Variants in SORL1 observed in about 807,000 individuals in gnomAD.
The protein encoded by SORL1 is sortilin related receptor 1.
In SORL1, 127 loss-of-function variants were observed where a neutral mutation model predicts 273.7. That is an observed-to-expected ratio of 0.46 (90% CI 0.40 to 0.54). SORL1 has a LOEUF of 0.54. SORL1 is among the 20% of genes least tolerant of loss of function. SORL1 has a pLI of 0.00. For synonymous variants in SORL1, 1,031 were observed against 1,067.4 expected, an observed-to-expected ratio of 0.97 and a Z score of 0.66; for missense variants, 2,494 against 2,846.1, an observed-to-expected ratio of 0.88 and a Z score of 2.81.
intron 6 of SORL1, among the ~76,000 whole-genome samples, chr11:121,505,071 C>G (rs1233048067): frequency 6.6e-6 from 1 of 152,132 alleles, no homozygotes; most frequent in South Asian, 2.1e-4. Flanking sequence ...GGTTTATAAT[C>G]ATTTTTATCC....
chr11:121,619,567 A>G (rs539725726), intron 42 of SORL1, among the ~76,000 whole-genome samples, 186 bp from the exon 43 acceptor site: 15 of 152,236 alleles, frequency 9.9e-5, no homozygotes, highest in Admixed American at 6.5e-4. Context: ...AGGAAGCACA[A>G]AAACTCTTAC....
chr11:121,576,631 C>T, intron 24 of SORL1: 1 of 633,806 alleles, frequency 1.6e-6, no homozygotes, highest in Non-Finnish European at 2.6e-6. Flanking sequence ...ATGATCTCCC[C>T]AGGAGCTTTG....
At chr11:121,494,751 G>C (rs576614234) in intron 5 of SORL1, among the ~76,000 whole-genome samples, 45 of 152,144 alleles carry the variant, frequency 3.0e-4, no homozygotes, top group Non-Finnish European at 8.8e-5. Flanking sequence ...CTAGGTGTTG[G>C]CTGCTGCTTT....
intron 40 of SORL1, among the ~76,000 whole-genome samples, chr11:121,613,079 A>G (rs1376799073): frequency 1.3e-5 from 2 of 152,198 alleles, no homozygotes; most frequent in African/African-American, 4.8e-5. Context: ...GTTGGGGGCC[A>G]TAAGGAGGAA....
intron 2 of SORL1, among the ~76,000 whole-genome samples, chr11:121,472,729 G>A (rs1393979876): frequency 6.6e-6 from 1 of 152,214 alleles, no homozygotes; most frequent in Non-Finnish European, 1.5e-5. Context: ...ATAGAGCCGA[G>A]GTGGGCAGAT....
At chr11:121,505,120 G>A (rs1861768271) in intron 6 of SORL1, among the ~76,000 whole-genome samples, 1 of 152,088 alleles carries the variant, frequency 6.6e-6, no homozygotes, top group Admixed American at 6.5e-5. Context: ...TTTGTGGGAA[G>A]TTTTCTGGAT....
At position 121,555,294 on chromosome 11, in the gene SORL1, A is replaced by G; in HGVS notation, c.2547A>G (p.Val849=). ...FEPLSQLLYW[V]DAGFKKIEVA... ...CCCTCAGCCAGCTGCTTTACTGGGTAGATGCAGGCTTCAAAAAGATTGAGG... is the reference window on the plus strand; with the variant it reads ...CCCTCAGCCAGCTGCTTTACTGGGTGGATGCAGGCTTCAAAAAGATTGAGG... The change falls in exon 18 of 48, where the codon GTA becomes GTG. Residue 849 remains valine, a synonymous_variant. Coordinates refer to ENST00000260197, the MANE Select transcript of SORL1 (RefSeq NM_003105.6). 6.2e-7 allele frequency: 1 copy of G among 1,614,012 alleles called. No homozygotes were observed. Among genetic ancestry groups the G allele is most frequent in the Non-Finnish European group, 8.5e-7 (1 of 1,179,870 alleles).
chr11:121,467,334 G>A (rs1248398584), intron 1 of SORL1, among the ~76,000 whole-genome samples: 1 of 152,166 alleles, frequency 6.6e-6, no homozygotes, highest in African/African-American at 2.4e-5. Context: ...GGATTGGTGA[G>A]GAGGTCTCCT....
chr11:121,558,824 T>C lies in SORL1; in HGVS notation c.2897T>C (p.Ile966Thr), dbSNP rs1335354359. The change falls in exon 20 of 48, where the codon ATT (isoleucine) becomes ACT (threonine). Residue 966 changes from isoleucine (I) to threonine (T), a missense_variant. This residue lies in a region of SORL1 where 1,609 missense variants were observed against 1,816.4 expected (regional missense o/e 0.89). Coordinates refer to ENST00000260197, the MANE Select transcript of SORL1 (RefSeq NM_003105.6). ...GACAACCTCCCGCACCCCTATGCCA[T>C]TGCTGTCTTTAAGGTGAGTCCATTT... ...ILDNLPHPYA[I>T]AVFKNEIYWD... The C allele has an allele frequency of 6.2e-7, 1 of 1,614,166 alleles. No homozygotes were observed. Among genetic ancestry groups the C allele is most frequent in the East Asian group, 2.2e-5 (1 of 44,874 alleles).
intron 14 of SORL1, 100 bp from the exon 15 acceptor site, chr11:121,549,858 TAA>T (rs1862482169): frequency 3.1e-6 from 3 of 957,390 alleles, no homozygotes; most frequent in Non-Finnish European, 4.6e-6. Flanking sequence ...AAATAACTTA[TAA>T]TAAAAGTGAA....
Position 121,502,124 on chromosome 11 carries a change from C to CTTT in SORL1, c.939+5102_939+5104dup, listed in dbSNP as rs57842880. ...GTAACTACTGGGTCATGTGACAATT[C>CTTT]TTTTTTTTTTTTTTTTTTTTTTTTT... On this transcript the variant is annotated intron_variant, in intron 6 of 47. Coordinates refer to ENST00000260197, the MANE Select transcript of SORL1 (RefSeq NM_003105.6). 2.7e-3 allele frequency among the ~76,000 whole-genome samples: 178 copies of CTTT among 65,188 alleles called. 43 individuals are homozygous for CTTT. The highest frequency in any genetic ancestry group is 5.4e-3 in the African/African-American group (102 of 18,858). 42.8% of individuals were successfully genotyped at this position (65,188 alleles called of 152,430 possible). A position where few individuals can be genotyped will look rare whatever the true frequency, so the allele number is the denominator to read the frequency against.
chr11:121,540,717 A>G (rs1457405993), intron 12 of SORL1, among the ~76,000 whole-genome samples: 1 of 152,124 alleles, frequency 6.6e-6, no homozygotes, highest in Non-Finnish European at 1.5e-5. Flanking sequence ...TGAGCAGTGT[A>G]TTTTCAGATA....
intron 18 of SORL1, 120 bp from the exon 19 acceptor site, chr11:121,557,194 G>A: frequency 1.3e-6 from 1 of 774,932 alleles, no homozygotes; most frequent in East Asian, 2.5e-5. Flanking sequence ...GTCAGGTCAG[G>A]GAAATAGGCA....
At chr11:121,489,709 G>A (rs111943326) in intron 4 of SORL1, among the ~76,000 whole-genome samples, 13 of 152,286 alleles carry the variant, frequency 8.5e-5, no homozygotes, top group African/African-American at 2.9e-4. Flanking sequence ...CTGTTTCTTC[G>A]TTGAAAAGTG....
chr11:121,605,602 G>A (rs1254252721), intron 35 of SORL1, 31 bp downstream of exon 35: 3 of 1,589,994 alleles, frequency 1.9e-6, no homozygotes, highest in South Asian at 2.2e-5. Flanking sequence ...TTATGGCATG[G>A]GTAAGACCTC....
Position 121,550,122 on chromosome 11 carries a change from C to T in SORL1, c.2180+34C>T, listed in dbSNP as rs2134896299. On this transcript the variant is annotated intron_variant, in intron 15 of 47. Transcript: ENST00000260197. This position sits in a 1 kb window ranked among gnomAD's most constrained non-coding sequence, Gnocchi z 5.3. ...CACAGAGGTTGCCCTGTCAGGTTCTCAGCGGTCCGCACATGGAGCGAGAGA... is the reference window on the plus strand; with the variant it reads ...CACAGAGGTTGCCCTGTCAGGTTCTTAGCGGTCCGCACATGGAGCGAGAGA... The T allele has an allele frequency of 3.7e-6, 6 of 1,602,652 alleles. No homozygotes were observed. The highest frequency in any genetic ancestry group is 5.1e-6 in the Non-Finnish European group (6 of 1,173,878).
At chr11:121,471,143 A>G (rs908739330) in intron 2 of SORL1, among the ~76,000 whole-genome samples, 18 of 152,192 alleles carry the variant, frequency 1.2e-4, no homozygotes, top group Admixed American at 1.2e-3. Context: ...ACTAATGGAT[A>G]CTTGGTTCCT....
chr11:121,608,240 C>A, intron 38 of SORL1, 64 bp downstream of exon 38: 1 of 1,329,972 alleles, frequency 7.5e-7, no homozygotes, highest in Non-Finnish European at 1.1e-6. Context: ...AAATGACTTT[C>A]AGTATGACCG....
chr11:121,625,651 T>C (rs1017614525), intron 46 of SORL1, among the ~76,000 whole-genome samples: 4 of 152,144 alleles, frequency 2.6e-5, no homozygotes, highest in African/African-American at 9.7e-5. Context: ...CTCCTTGTCA[T>C]GGATTTTACA....
Sources: gnomAD v4.1 joint callset for allele counts (sites outside exome capture counted in the v4.1 genomes callset) on GRCh38, gnomAD v4.1.1 for gene constraint, gnomAD v4.1.1 regional missense constraint, Gnocchi (gnomAD v3.1) non-coding constraint, MANE v1.5 for transcripts, NCBI Gene and HGNC (gene_info 2026-07-23, HGNC 2026-07-21) for gene names.